The following LRRC3C variants were observed in gnomAD, a reference collection of about 807,000 sequenced individuals.
LRRC3C encodes the protein leucine rich repeat containing 3C.
A neutral mutation model predicts 14.8 loss-of-function variants in LRRC3C; 11 were observed. The observed-to-expected ratio is 0.74, with a 90% CI of 0.47 to 1.23. The LOEUF (loss-of-function observed/expected upper bound fraction) is 1.23, where lower values mean the gene tolerates loss of function less well. Ranked by LOEUF, LRRC3C falls within the 50% of genes most tolerant of loss-of-function variation. LRRC3C has a pLI of 0.00. For missense variants in LRRC3C, 354 were observed against 361.8 expected, an observed-to-expected ratio of 0.98 and a Z score of 0.18; for synonymous variants, 149 against 161.5, an observed-to-expected ratio of 0.92 and a Z score of 0.59.
Position 39,927,847 on chromosome 17 carries a change from C to T in LRRC3C, c.-175+33C>T, listed in dbSNP as rs921184391. ...ACAATTCCAACTTTTGCTTCTGTGC[C>T]CTTCAAGTGTATTTTATCCGTGCCC... On this transcript the variant is annotated intron_variant, in intron 1 of 3. Transcript: ENST00000377924. 4.1e-6 allele frequency: 4 copies of T among 985,598 alleles called. No individual in the cohort carries two copies. The African/African-American group carries it at 7.0e-5, about 17-fold the overall frequency. 61.1% of individuals were successfully genotyped at this position (985,598 alleles called of 1,614,324 possible).
intron 3 of LRRC3C, among the ~76,000 whole-genome samples, chr17:39,943,401 A>G (rs1399577932): frequency 6.6e-6 from 1 of 152,130 alleles, no homozygotes; most frequent in Non-Finnish European, 1.5e-5. Flanking sequence ...GCTCCCGGAA[A>G]AGGGGTAGAT....
intron 3 of LRRC3C, among the ~76,000 whole-genome samples, chr17:39,942,810 G>A (rs559180044): frequency 9.7e-4 from 148 of 152,332 alleles, no homozygotes; most frequent in Middle Eastern, 6.8e-3. Context: ...GAAGGGAGTA[G>A]GGAGAGGAAT....
In LRRC3C at chr17:39,944,514, T is replaced by C; in HGVS notation, c.608T>C (p.Leu203Pro). The change falls in exon 4 of 4, where the codon CTG (leucine) becomes CCG (proline). Residue 203 changes from leucine to proline, a missense_variant. Transcript: ENST00000377924. ...CTCGTGGGGCAGGAGTTCCTGCTGCTGGCAGGGGAGGAAGAGCTGTGTGGG... is the reference window on the plus strand; with the variant it reads ...CTCGTGGGGCAGGAGTTCCTGCTGCCGGCAGGGGAGGAAGAGCTGTGTGGG... ...PDLVGQEFLL[L>P]AGEEELCGSG... The C allele has an allele frequency of 1.7e-6, 2 of 1,186,594 alleles. No homozygotes were observed. The highest frequency in any genetic ancestry group is 2.2e-6 in the Non-Finnish European group (2 of 904,522). 73.5% of individuals were successfully genotyped at this position (1,186,594 alleles called of 1,614,324 possible). A position where few individuals can be genotyped will look rare whatever the true frequency, so the allele number is the denominator to read the frequency against.
At chr17:39,942,580 T>C (rs548603671) in intron 3 of LRRC3C, among the ~76,000 whole-genome samples, 8 of 152,270 alleles carry the variant, frequency 5.3e-5, no homozygotes, top group African/African-American at 1.9e-4. Context: ...AAGAACTCCT[T>C]CCAACTCCTA....
At chr17:39,931,321 C>T (rs1481965516) in intron 1 of LRRC3C, among the ~76,000 whole-genome samples, 3 of 151,032 alleles carry the variant, frequency 2.0e-5, no homozygotes, top group Non-Finnish European at 2.9e-5. Flanking sequence ...TGGCACGTGC[C>T]TGTAATCCCA....
At chr17:39,933,846 T>G (rs754337606) in intron 1 of LRRC3C, among the ~76,000 whole-genome samples, 21 of 152,112 alleles carry the variant, frequency 1.4e-4, no homozygotes, top group Non-Finnish European at 2.8e-4. Context: ...GGGAGGGTGG[T>G]GAGGTCCTGT....
rs117206392 is a variant in LRRC3C at position 39,936,732 on chromosome 17, C to T, written c.-82+838C>T. 1.8e-3 allele frequency among the ~76,000 whole-genome samples: 266 copies of T among 151,854 alleles called. 1 individual carries two copies. Among genetic ancestry groups the T allele is most frequent in the East Asian group, 0.011 (58 of 5,164 alleles). ...TTGGGAGGCTGAGGTGGAAGGATCT[C>T]CTGAGCCTGGGGAGGTTGAAGTTAC... is the stretch of plus-strand genomic sequence containing the variant. On this transcript the variant is annotated intron_variant, in intron 2 of 3. Transcript: ENST00000377924.
chr17:39,935,772 T>C, intron 1 of LRRC3C, 30 bp from the exon 2 acceptor site: 1 of 952,282 alleles, frequency 1.1e-6, no homozygotes, highest in Non-Finnish European at 1.3e-6. Flanking sequence ...GCATGAAGTG[T>C]ATGTATACAC....
chr17:39,940,459 C>CT (rs923993887), intron 2 of LRRC3C, among the ~76,000 whole-genome samples: 2 of 152,130 alleles, frequency 1.3e-5, no homozygotes, highest in African/African-American at 4.8e-5. Flanking sequence ...GTCACCCAGG[C>CT]TAGAGTGCAG....
At position 39,944,799 on chromosome 17, in the gene LRRC3C, A is replaced by T; in HGVS notation, c.*65A>T. ...CCCCTATGCCCTCTCCTTTGCTCTG[A>T]CCCCCTCTGCCTCCTGTGCAGCTTC... is the stretch of plus-strand genomic sequence containing the variant. On this transcript the variant is annotated 3_prime_UTR_variant, in exon 4 of 4. Transcript: ENST00000377924. The T allele has an allele frequency of 1.4e-6, 2 of 1,425,180 alleles. No homozygotes were observed. The highest frequency in any genetic ancestry group is 1.9e-6 in the Non-Finnish European group (2 of 1,062,690). The allele number at this position is 1,425,180 out of a possible 1,614,324, so 88.3% of individuals were successfully genotyped here.
chr17:39,936,052 TC>T (rs1978786849), intron 2 of LRRC3C, among the ~76,000 whole-genome samples, 158 bp downstream of exon 2: 1 of 152,160 alleles, frequency 6.6e-6, no homozygotes, highest in South Asian at 2.1e-4. Flanking sequence ...TCCCCTGTGG[TC>T]ACATATTGGG....
chr17:39,928,354 A>G (rs1178717381), intron 1 of LRRC3C, among the ~76,000 whole-genome samples: 9 of 152,226 alleles, frequency 5.9e-5, no homozygotes, highest in Admixed American at 3.9e-4. Context: ...CACAGACTTT[A>G]CTGCCTGGTA....
intron 2 of LRRC3C, among the ~76,000 whole-genome samples, chr17:39,937,177 T>G (rs1023768881): frequency 2.6e-5 from 4 of 152,002 alleles, no homozygotes; most frequent in African/African-American, 7.3e-5. Flanking sequence ...GGCTCACGCC[T>G]GTAATCCCAG....
At chr17:39,927,945 C>G (rs1351663439) in intron 1 of LRRC3C, 131 bp downstream of exon 1, 3 of 864,158 alleles carry the variant, frequency 3.5e-6, no homozygotes, top group Non-Finnish European at 4.2e-6. Context: ...TAGACTGGAT[C>G]GAAACCCAAA....
chr17:39,939,800 C>G (rs964977012), intron 2 of LRRC3C, among the ~76,000 whole-genome samples: 10 of 152,238 alleles, frequency 6.6e-5, no homozygotes, highest in African/African-American at 2.4e-4. Flanking sequence ...AGTTTGCACT[C>G]AGACTCCCTT....
intron 3 of LRRC3C, 137 bp from the exon 4 acceptor site, chr17:39,943,796 A>G: frequency 1.3e-6 from 1 of 748,276 alleles, no homozygotes; most frequent in South Asian, 1.9e-5. Context: ...AAAGTCACCC[A>G]GGCTTGAGAG....
At chr17:39,933,921 T>G (rs1389503315) in intron 1 of LRRC3C, among the ~76,000 whole-genome samples, 19 of 152,138 alleles carry the variant, frequency 1.2e-4, no homozygotes, top group Admixed American at 1.2e-3. Context: ...TTATTTTTGT[T>G]TGGGTGGGGG....
chr17:39,930,018 G>C (rs570841002), intron 1 of LRRC3C, among the ~76,000 whole-genome samples: 25 of 152,234 alleles, frequency 1.6e-4, no homozygotes, highest in African/African-American at 6.0e-4. Context: ...GGCCAGGTAT[G>C]GTGACTCACG....
At position 39,935,834 on chromosome 17, in the gene LRRC3C, C is replaced by T; in HGVS notation, c.-142C>T. ...CAATAGCAGAGGCCTTTGTTGCCCTCTCCGCGAAACTGCCCAGTAACCTGG... is the reference window on the plus strand; with the variant it reads ...CAATAGCAGAGGCCTTTGTTGCCCTTTCCGCGAAACTGCCCAGTAACCTGG... On this transcript the variant is annotated 5_prime_UTR_variant, in exon 2 of 4. Coordinates refer to ENST00000377924, the MANE Select transcript of LRRC3C (RefSeq NM_001195545.2). 1.0e-6 allele frequency: 1 copy of T among 985,356 alleles called. No homozygotes were observed. Among genetic ancestry groups the T allele is most frequent in the Non-Finnish European group, 1.2e-6 (1 of 829,962 alleles). The allele number at this position is 985,356 out of a possible 1,614,324, so 61.0% of individuals were successfully genotyped here. A position where few individuals can be genotyped will look rare whatever the true frequency, so the allele number is the denominator to read the frequency against.
Sources: allele counts gnomAD v4.1 joint callset (sites outside exome capture counted in the v4.1 genomes callset), GRCh38; gene constraint gnomAD v4.1.1; transcripts MANE v1.5; gene names NCBI Gene and HGNC (gene_info 2026-07-23, HGNC 2026-07-21).